C12orf42: variants seen among roughly 807,000 people sequenced by gnomAD.
C12orf42 encodes the protein uncharacterized protein C12orf42.
A neutral mutation model predicts 21.6 loss-of-function variants in C12orf42; 25 were observed. That is an observed-to-expected ratio of 1.16 (90% CI 0.84 to 1.62). The LOEUF (loss-of-function observed/expected upper bound fraction) is 1.62, where lower values mean the gene tolerates loss of function less well. Ranked by LOEUF, C12orf42 falls within the 40% of genes most tolerant of loss-of-function variation. The probability of loss-of-function intolerance (pLI) is 0.00; values close to 1 mark genes in which losing one functional copy is unlikely to be tolerated. For missense variants in C12orf42, 483 were observed against 459.3 expected, an observed-to-expected ratio of 1.05 and a Z score of -0.47; for synonymous variants, 174 against 175.0, an observed-to-expected ratio of 0.99 and a Z score of 0.05.
At chr12:103,355,628 A>G (rs2043478108) in intron 4 of C12orf42, among the ~76,000 whole-genome samples, 1 of 152,078 alleles carries the variant, frequency 6.6e-6, no homozygotes, top group Non-Finnish European at 1.5e-5. Flanking sequence ...CAGTTTGTAC[A>G]AGGTCACACA....
chr12:103,495,693 C>T (rs1955500536), intron 1 of C12orf42: 2 of 152,180 alleles, frequency 1.3e-5, no homozygotes, highest in Admixed American at 6.5e-5. Flanking sequence ...CTCCTTGGCC[C>T]CCCACCCCCC....
At chr12:103,380,708 A>G (rs1361204391) in intron 3 of C12orf42, among the ~76,000 whole-genome samples, 1 of 152,228 alleles carries the variant, frequency 6.6e-6, no homozygotes, top group Non-Finnish European at 1.5e-5. Flanking sequence ...ATTTAAAAGT[A>G]CATTTTATTT....
At chr12:103,174,609 T>C in the C12orf42 span, among the ~76,000 whole-genome samples, 1 of 152,150 alleles carries the variant, frequency 6.6e-6, no homozygotes, top group African/African-American at 2.4e-5. Context: ...CCAACCAACG[T>C]TCCCTCTGAA....
rs375224387 is a variant in C12orf42, at chr12:103,490,033, G to A, written c.-22+5869C>T. 3.5e-4 allele frequency among the ~76,000 whole-genome samples: 54 copies of A among 152,256 alleles called. 2 individuals are homozygous for A. The South Asian group carries it at 6.0e-3, about 17-fold the overall frequency. ...GCAGAAATCACCCGTCTTCTGTGTC[G>A]ATCACACTGGGAGCTGCAGACCAGA... On this transcript the variant is annotated intron_variant, in intron 1 of 5. Transcript: ENST00000548883.
chr12:103,361,631 C>A (rs1258808160), intron 4 of C12orf42, among the ~76,000 whole-genome samples: 2 of 152,092 alleles, frequency 1.3e-5, no homozygotes, highest in Non-Finnish European at 2.9e-5. Flanking sequence ...AAGTTCTCAG[C>A]CCTGCTCACC....
chr12:103,058,833 G>A, the C12orf42 span, among the ~76,000 whole-genome samples: 2 of 152,146 alleles, frequency 1.3e-5, no homozygotes, highest in Admixed American at 1.3e-4. Flanking sequence ...CTAAAGCAGT[G>A]TTAAGAGAGA....
chr12:103,103,827 A>T, the C12orf42 span, among the ~76,000 whole-genome samples: 2 of 149,410 alleles, frequency 1.3e-5, no homozygotes, highest in Non-Finnish European at 3.0e-5. Flanking sequence ...TTTCAGACGG[A>T]GTCTCGCTCT....
At chr12:103,432,783 A>G (rs1302064105) in intron 2 of C12orf42, among the ~76,000 whole-genome samples, 3 of 152,224 alleles carry the variant, frequency 2.0e-5, no homozygotes, top group Non-Finnish European at 4.4e-5. Flanking sequence ...ATACACACAC[A>G]GAGGGATGAC....
intron 2 of C12orf42, among the ~76,000 whole-genome samples, chr12:103,449,812 A>G (rs1321370458): frequency 6.6e-6 from 1 of 151,804 alleles, no homozygotes; most frequent in East Asian, 1.9e-4. Flanking sequence ...TTTGAAAAAA[A>G]AAAAAAAGCA....
chr12:103,345,248 T>C (rs2042512464), intron 4 of C12orf42, among the ~76,000 whole-genome samples: 1 of 152,192 alleles, frequency 6.6e-6, no homozygotes, highest in Non-Finnish European at 1.5e-5. Context: ...AACTGGGAAT[T>C]ATTCACCTCT....
chr12:103,377,029 T>C lies in C12orf42; in HGVS notation c.148-8031A>G, dbSNP rs185957861. On this transcript the variant is annotated intron_variant, in intron 3 of 5. Transcript: ENST00000548883. ...CTGCTCTTTTTAAAAATCTTGGTTT[T>C]CACACATTTAATTCCTGTCTATTTC... Among the ~76,000 whole-genome samples, 84 of 152,228 alleles carry C rather than the reference T, an allele frequency of 5.5e-4. 1 individual carries two copies. The highest frequency in any genetic ancestry group is 2.0e-3 in the African/African-American group (84 of 41,562).
chr12:103,426,095 T>C (rs919396071), intron 2 of C12orf42, among the ~76,000 whole-genome samples: 8 of 152,160 alleles, frequency 5.3e-5, no homozygotes, highest in Admixed American at 4.6e-4. Context: ...GGAACAAAAC[T>C]GGACGGAGAA....
the C12orf42 span, among the ~76,000 whole-genome samples, chr12:103,519,704 T>C: frequency 4.5e-4 from 68 of 152,264 alleles, no homozygotes; most frequent in Admixed American, 2.0e-3. Flanking sequence ...GTCATTTTCA[T>C]GGTCCTAGGA....
the C12orf42 span, among the ~76,000 whole-genome samples, chr12:103,053,454 T>G: frequency 6.6e-6 from 1 of 151,992 alleles, no homozygotes; most frequent in African/African-American, 2.4e-5. Flanking sequence ...ATTGTTTTCT[T>G]TCTTAATGTT....
intron 2 of C12orf42, among the ~76,000 whole-genome samples, chr12:103,430,884 G>A (rs909137271): frequency 6.6e-6 from 1 of 152,248 alleles, no homozygotes; most frequent in Admixed American, 6.5e-5. Flanking sequence ...AACACTGCAT[G>A]TTCTCACTCA....
the C12orf42 span, among the ~76,000 whole-genome samples, chr12:103,083,574 A>C: frequency 2.0e-5 from 3 of 152,298 alleles, no homozygotes; most frequent in South Asian, 6.2e-4. Context: ...CAGTTTTTTT[A>C]AAAAGCTTTT....
At chr12:103,118,771 C>CAA in the C12orf42 span, among the ~76,000 whole-genome samples, 1 of 60,110 alleles carries the variant, frequency 1.7e-5, no homozygotes, top group African/African-American at 8.1e-5. Context: ...GCACTCCAGC[C>CAA]TAAAAAAAAA....
chr12:103,122,978 A>G, the C12orf42 span, among the ~76,000 whole-genome samples: 1 of 152,160 alleles, frequency 6.6e-6, no homozygotes, highest in Non-Finnish European at 1.5e-5. Flanking sequence ...GGGAATAATT[A>G]TGAAGCTGCT....
In C12orf42 at chr12:103,434,640, T is replaced by G. The variant is rs1360651984; in HGVS notation, c.79-32965A>C. On this transcript the variant is annotated intron_variant, in intron 2 of 5. Transcript: ENST00000548883. ...TTTCCGAGTCAAAGAAAGGGGTGACTGACGCACCTGGAAAATCGGGTCACT... is the reference window on the plus strand; with the variant it reads ...TTTCCGAGTCAAAGAAAGGGGTGACGGACGCACCTGGAAAATCGGGTCACT... Among the ~76,000 whole-genome samples the G allele has an allele frequency of 2.6e-5, 4 of 152,124 alleles. No individual in the cohort carries two copies. The East Asian group carries it at 5.8e-4, about 22-fold the overall frequency.
Sources: gnomAD v4.1 joint callset for allele counts (sites outside exome capture counted in the v4.1 genomes callset) on GRCh38, gnomAD v4.1.1 for gene constraint, MANE v1.5 for transcripts, NCBI Gene and HGNC (gene_info 2026-07-23, HGNC 2026-07-21) for gene names.